LTN1: variants seen among roughly 807,000 people sequenced by gnomAD.
LTN1 encodes E3 ubiquitin-protein ligase listerin.
In LTN1, 88 loss-of-function variants were observed where a neutral mutation model predicts 201.2. That is an observed-to-expected ratio of 0.44 (90% confidence interval 0.37 to 0.52). LTN1 has a LOEUF of 0.52. LTN1 is among the 20% of genes least tolerant of loss of function. The pLI, the probability that LTN1 is intolerant of heterozygous loss-of-function variation, is 0.00. For missense variants in LTN1, 1,752 were observed against 2,038.7 expected, an observed-to-expected ratio of 0.86 and a Z score of 2.71; for synonymous variants, 645 against 713.5, an observed-to-expected ratio of 0.90 and a Z score of 1.53.
chr21:28,942,387 C>T (rs917988110), intron 24 of LTN1, among the ~76,000 whole-genome samples: 1 of 152,014 alleles, frequency 6.6e-6, no homozygotes, highest in East Asian at 1.9e-4. Context: ...CGGCTGGTGG[C>T]GCCCTATCTC....
intron 16 of LTN1, among the ~76,000 whole-genome samples, chr21:28,954,898 CT>C (rs2084411937): frequency 6.6e-6 from 1 of 152,140 alleles, no homozygotes; most frequent in Non-Finnish European, 1.5e-5. Flanking sequence ...ATGGCTAAGA[CT>C]TCAAAAGCGA....
intron 12 of LTN1, among the ~76,000 whole-genome samples, chr21:28,960,164 C>T (rs924195804): frequency 6.6e-6 from 1 of 151,976 alleles, no homozygotes; most frequent in Non-Finnish European, 1.5e-5. Context: ...GTGAGGAGTT[C>T]GAGACCAGCC....
intron 20 of LTN1, 70 bp from the exon 21 acceptor site, chr21:28,946,021 T>C: frequency 6.8e-7 from 1 of 1,463,782 alleles, no homozygotes. Flanking sequence ...TATGCTACTT[T>C]AAATCTTACA....
rs536380595 is a variant in LTN1, at chr21:28,967,593, G to A, written c.1312-414C>T. On this transcript the variant is annotated intron_variant, in intron 9 of 29. Coordinates refer to ENST00000361371, the MANE Select transcript of LTN1 (RefSeq NM_015565.3). ...GAGTGGAAGTTCTTCACCCCTTCCC[G>A]TATCTCACCGTGTGCATGTCTTCAT... The A allele has an allele frequency of 1.4e-4, 23 of 159,744 alleles. No homozygotes were observed. In the South Asian group the frequency reaches 3.9e-3, roughly 27 times the overall value. The allele number at this position is 159,744 out of a possible 1,614,324, so 9.9% of individuals were successfully genotyped here. A position where few individuals can be genotyped will look rare whatever the true frequency, so the allele number is the denominator to read the frequency against.
intron 18 of LTN1, among the ~76,000 whole-genome samples, chr21:28,950,831 A>T (rs1394461146): frequency 2.6e-5 from 4 of 152,162 alleles, no homozygotes; most frequent in African/African-American, 7.2e-5. Context: ...TTTATAAAAT[A>T]TTCTTAAATG....
At chr21:28,940,232 T>C (rs890927770) in intron 25 of LTN1, among the ~76,000 whole-genome samples, 7 of 152,190 alleles carry the variant, frequency 4.6e-5, no homozygotes, top group African/African-American at 1.7e-4. Flanking sequence ...CAGGCTTGAG[T>C]GCAGTGGCAT....
intron 17 of LTN1, among the ~76,000 whole-genome samples, chr21:28,952,656 A>G (rs972379934): frequency 6.6e-6 from 1 of 152,230 alleles, no homozygotes; most frequent in African/African-American, 2.4e-5. Flanking sequence ...AGTTGTGTCA[A>G]CTAAGTAGAA....
In LTN1 at chr21:28,941,342, C is replaced by T. The variant is rs760787551; in HGVS notation, c.4360G>A (p.Gly1454Arg). The T allele has an allele frequency of 1.2e-6, 2 of 1,613,454 alleles. No individual in the cohort carries two copies. Among genetic ancestry groups the T allele is most frequent in the South Asian group, 2.2e-5 (2 of 91,034 alleles). Residue 1454 changes from glycine (G) to arginine (R), a missense_variant, in exon 25 of 30, where the codon GGG becomes AGG. Physicochemically the swap from Gly to Arg is moderately radical, Grantham distance 125 (BLOSUM62 -2). Around this residue, in one of 3 missense-constraint regions of LTN1, gnomAD observed 1,211 missense variants for 1,312.8 expected, o/e 0.92. Transcript: ENST00000361371. Reference sequence around the variant, plus strand: ...ACTATCTGTCCAACAGGAATACACCCCAAAACATTTTCTAGTAAGTCCTCT... The same window carrying T: ...ACTATCTGTCCAACAGGAATACACCTCAAAACATTTTCTAGTAAGTCCTCT... ...IQEDLLENVL[G>R]CIPVGQIVTI... is the part of the protein sequence containing the mutation.
intron 4 of LTN1, among the ~76,000 whole-genome samples, chr21:28,982,806 G>A (rs1315006233): frequency 1.3e-5 from 2 of 152,218 alleles, no homozygotes; most frequent in Non-Finnish European, 1.5e-5. Context: ...CTGGGGTGCA[G>A]TGCAAGGGAG....
intron 6 of LTN1, among the ~76,000 whole-genome samples, chr21:28,975,240 A>G (rs1269119813): frequency 6.6e-6 from 1 of 152,238 alleles, no homozygotes; most frequent in East Asian, 1.9e-4. Flanking sequence ...ATGGGGAAAA[A>G]ATAGACAATT....
At chr21:28,936,496 A>G (rs2084258014) in intron 26 of LTN1, 30 bp downstream of exon 26, 2 of 1,559,104 alleles carry the variant, frequency 1.3e-6, no homozygotes, top group African/African-American at 1.4e-5. Context: ...CTAGTGTCCA[A>G]GAAAGAACAT....
At chr21:28,954,137 T>C (rs1248532624) in intron 16 of LTN1, among the ~76,000 whole-genome samples, 1 of 152,232 alleles carries the variant, frequency 6.6e-6, no homozygotes, top group African/African-American at 2.4e-5. Context: ...TGCCAATTTG[T>C]AATTAGTAAC....
At position 28,929,326 on chromosome 21, in the gene LTN1, T is replaced by C. The variant is rs1476565138; in HGVS notation, c.*1122A>G. 6.6e-6 allele frequency: 1 copy of C among 152,592 alleles called. No individual in the cohort carries two copies. The highest frequency in any genetic ancestry group is 1.5e-5 in the Non-Finnish European group (1 of 67,984). The allele number at this position is 152,592 out of a possible 1,614,324, so 9.5% of individuals were successfully genotyped here. The stretch of plus-strand genomic sequence containing the variant: ...CATGTAATGGAAGACTGCAATAAAA[T>C]TATTCCAAGTTCTAAAGTTCCACAC... On this transcript the variant is annotated 3_prime_UTR_variant, in exon 30 of 30. Coordinates refer to ENST00000361371, the MANE Select transcript of LTN1 (RefSeq NM_015565.3).
intron 25 of LTN1, among the ~76,000 whole-genome samples, chr21:28,937,923 A>G (rs1347594842): frequency 6.6e-6 from 1 of 152,208 alleles, no homozygotes; most frequent in Admixed American, 6.5e-5. Flanking sequence ...GACACTGAGA[A>G]CACATAACAA....
At chr21:28,948,581 C>T (rs571900334) in intron 18 of LTN1, among the ~76,000 whole-genome samples, 7 of 152,014 alleles carry the variant, frequency 4.6e-5, no homozygotes, top group East Asian at 1.9e-4. Flanking sequence ...AACTGATATT[C>T]GTATTTGTGC....
intron 13 of LTN1, 102 bp from the exon 14 acceptor site, chr21:28,958,641 A>G: frequency 2.3e-6 from 2 of 854,104 alleles, no homozygotes; most frequent in East Asian, 3.0e-5. Context: ...TTTTTTAAAT[A>G]CCATTTAAAA....
intron 18 of LTN1, among the ~76,000 whole-genome samples, chr21:28,949,782 A>T (rs561989682): frequency 3.0e-4 from 45 of 152,242 alleles, no homozygotes; most frequent in Non-Finnish European, 5.1e-4. Context: ...TTTTTACAGA[A>T]TCAAATATAT....
rs766651248 is a variant in LTN1 at position 28,966,362 on chromosome 21, AG to A, written c.2121+7del. The A allele has an allele frequency of 6.3e-7, 1 of 1,581,890 alleles. No homozygotes were observed. Among genetic ancestry groups the A allele is most frequent in the Non-Finnish European group, 8.6e-7 (1 of 1,165,216 alleles). On this transcript the variant is annotated splice_region_variant and intron_variant, in intron 10 of 29. Transcript: ENST00000361371. ...CAAATAGTTTGAAAAGATATACAACAGGAATACCTTGGTTAGATCATCCAAG... is the reference window on the plus strand; with the variant it reads ...CAAATAGTTTGAAAAGATATACAACAGAATACCTTGGTTAGATCATCCAAG...
intron 1 of LTN1, among the ~76,000 whole-genome samples, chr21:28,988,922 G>A (rs1235100229): frequency 6.6e-6 from 1 of 150,892 alleles, no homozygotes; most frequent in African/African-American, 2.4e-5. Context: ...TCGAGATTGC[G>A]CCATTGCACT....
Sources: allele counts gnomAD v4.1 joint callset (sites outside exome capture counted in the v4.1 genomes callset), GRCh38; gene constraint gnomAD v4.1.1; regional missense constraint gnomAD v4.1.1; transcripts MANE v1.5; gene names NCBI Gene and HGNC (gene_info 2026-07-23, HGNC 2026-07-21).